Variants in BPI observed in about 807,000 individuals in gnomAD.
The protein encoded by BPI is bactericidal permeability-increasing protein.
BPI carries 48 observed loss-of-function variants against 57.6 expected under a neutral mutation model. The observed-to-expected ratio is 0.83, with a 90% CI of 0.66 to 1.06. BPI has a LOEUF of 1.06. Among genes scored for constraint, BPI ranks in the 50% least tolerant of loss-of-function variants. BPI has a pLI of 0.00. For missense variants in BPI, 651 were observed against 609.7 expected, an observed-to-expected ratio of 1.07 and a Z score of -0.71; for synonymous variants, 237 against 238.2, an observed-to-expected ratio of 0.99 and a Z score of 0.05.
At chr20:38,312,462 A>T (rs1447751101) in intron 5 of BPI, among the ~76,000 whole-genome samples, 1 of 152,228 alleles carries the variant, frequency 6.6e-6, no homozygotes, top group African/African-American at 2.4e-5. Flanking sequence ...CGCAACCCAC[A>T]TACTTCAGTT....
At chr20:38,327,407 G>C (rs1304763233) in intron 10 of BPI, among the ~76,000 whole-genome samples, 181 bp from the exon 11 acceptor site, 1 of 152,148 alleles carries the variant, frequency 6.6e-6, no homozygotes, top group Admixed American at 6.5e-5. Flanking sequence ...GAAATTGACA[G>C]TTTAGGACTC....
At chr20:38,336,903 C>CG (rs890571036) in intron 14 of BPI, among the ~76,000 whole-genome samples, 1 of 152,086 alleles carries the variant, frequency 6.6e-6, no homozygotes, top group Non-Finnish European at 1.5e-5. Context: ...TAAAACAGCC[C>CG]GGGGGGTCTC....
At chr20:38,323,179 C>T (rs1334664727) in intron 7 of BPI, among the ~76,000 whole-genome samples, 4 of 152,160 alleles carry the variant, frequency 2.6e-5, no homozygotes, top group African/African-American at 7.2e-5. Context: ...GTCCTTTTTG[C>T]CTGTGTTTTT....
At chr20:38,326,167 C>A in intron 9 of BPI, 98 bp from the exon 10 acceptor site, 1 of 1,241,926 alleles carries the variant, frequency 8.1e-7, no homozygotes, top group Non-Finnish European at 1.1e-6. Context: ...AATGGGAAGA[C>A]ATTGAAGGTA....
chr20:38,313,824 T>A (rs1397632892), intron 5 of BPI, among the ~76,000 whole-genome samples: 1 of 149,712 alleles, frequency 6.7e-6, no homozygotes, highest in East Asian at 2.0e-4. Flanking sequence ...ATGGTGAGGA[T>A]GATAATGGTG....
Position 38,327,585 on chromosome 20 carries a change from C to T in BPI, c.1162-3C>T. On this transcript the variant is annotated splice_polypyrimidine_tract_variant and splice_region_variant and intron_variant, in intron 10 of 14. Transcript: ENST00000642449. Reference sequence around the variant, plus strand: ...ACTTCACCCTGGGTTGTTGTTTTGGCAGCACACAACTGGTTCCATGGAGGT... The same window carrying T: ...ACTTCACCCTGGGTTGTTGTTTTGGTAGCACACAACTGGTTCCATGGAGGT... The T allele has an allele frequency of 6.2e-7, 1 of 1,612,730 alleles. No homozygotes were observed. Among genetic ancestry groups the T allele is most frequent in the South Asian group, 1.1e-5 (1 of 91,036 alleles).
At chr20:38,325,086 G>T (rs1273874582) in intron 9 of BPI, among the ~76,000 whole-genome samples, 1 of 152,220 alleles carries the variant, frequency 6.6e-6, no homozygotes, top group Non-Finnish European at 1.5e-5. Context: ...CTTATTGAAT[G>T]CCCACCATGT....
intron 7 of BPI, chr20:38,321,730 A>G (rs560989362): frequency 2.0e-4 from 30 of 151,966 alleles, no homozygotes; most frequent in African/African-American, 2.7e-4. Flanking sequence ...AAGGAAAAAA[A>G]AGAGAGAGAG....
In BPI at chr20:38,337,312, A is replaced by C. The variant is rs1473389696; in HGVS notation, c.*128A>C. ...AGCCCCTTGCAAACTTCTTCGACTC[A>C]GATTCAGAAATGATCTAAACACGAG... On this transcript the variant is annotated 3_prime_UTR_variant, in exon 15 of 15. Coordinates refer to ENST00000642449, the MANE Select transcript of BPI (RefSeq NM_001725.3). The C allele has an allele frequency of 1.3e-6, 1 of 743,294 alleles. No individual in the cohort carries two copies. Among genetic ancestry groups the C allele is most frequent in the East Asian group, 2.9e-5 (1 of 34,870 alleles). 46.0% of individuals were successfully genotyped at this position (743,294 alleles called of 1,614,324 possible).
At chr20:38,307,478 C>T (rs2076602279) in intron 1 of BPI, 89 bp from the exon 2 acceptor site, 3 of 917,548 alleles carry the variant, frequency 3.3e-6, no homozygotes, top group Non-Finnish European at 4.9e-6. Context: ...ATGCTACGAA[C>T]AGGGGCCCAG....
intron 12 of BPI, among the ~76,000 whole-genome samples, chr20:38,332,064 C>T (rs767457042): frequency 1.4e-4 from 21 of 151,994 alleles, no homozygotes; most frequent in Non-Finnish European, 2.8e-4. Flanking sequence ...AAGCTTGGTG[C>T]GTTTGGGGAA....
intron 5 of BPI, among the ~76,000 whole-genome samples, chr20:38,313,577 A>G (rs1157860570): frequency 6.6e-6 from 1 of 152,218 alleles, no homozygotes; most frequent in Non-Finnish European, 1.5e-5. Flanking sequence ...AACATTTGGA[A>G]CAATTACAAT....
intron 5 of BPI, among the ~76,000 whole-genome samples, chr20:38,313,124 C>T (rs2122505309): frequency 6.6e-6 from 1 of 152,140 alleles, no homozygotes; most frequent in East Asian, 1.9e-4. Flanking sequence ...GTGGCTCATG[C>T]CTGTAATCCC....
At chr20:38,335,077 A>G (rs2076760745) in intron 13 of BPI, among the ~76,000 whole-genome samples, 1 of 152,196 alleles carries the variant, frequency 6.6e-6, no homozygotes, top group South Asian at 2.1e-4. Context: ...AATATGATAC[A>G]TCAGTCCTGG....
At chr20:38,331,975 G>T (rs906924372) in intron 12 of BPI, among the ~76,000 whole-genome samples, 5 of 152,188 alleles carry the variant, frequency 3.3e-5, no homozygotes, top group Admixed American at 2.6e-4. Flanking sequence ...GGGCCTCTCC[G>T]AGGAGGTGAC....
chr20:38,321,610 A>G (rs572278494), intron 7 of BPI: 16 of 152,110 alleles, frequency 1.1e-4, no homozygotes, highest in African/African-American at 2.9e-4. Context: ...GTCCTTCCAT[A>G]TTGGTGATTT....
At position 38,326,380 on chromosome 20, in the gene BPI, C is replaced by T. The variant is rs752886546; in HGVS notation, c.1109C>T (p.Ala370Val). ...LTFYPAVDVQ[A>V]FAVLPNSSLA... The stretch of plus-strand genomic sequence containing the variant: ...TTCTACCCTGCCGTGGATGTCCAGG[C>T]CTTTGCCGTCCTCCCCAACTCCTCC... Residue 370 changes from alanine (A) to valine (V), a missense_variant, in exon 10 of 15, where the codon GCC (alanine) becomes GTC (valine). Coordinates refer to ENST00000642449, the MANE Select transcript of BPI (RefSeq NM_001725.3). 2 of 1,614,154 alleles carry T rather than the reference C, an allele frequency of 1.2e-6. No individual in the cohort carries two copies. Among genetic ancestry groups the T allele is most frequent in the Non-Finnish European group, 1.7e-6 (2 of 1,180,008 alleles).
intron 7 of BPI, among the ~76,000 whole-genome samples, chr20:38,322,421 T>C (rs2076691204): frequency 1.3e-5 from 2 of 152,176 alleles, no homozygotes; most frequent in Non-Finnish European, 1.5e-5. Flanking sequence ...CTGCCCAGAG[T>C]TGATCACTGA....
At chr20:38,326,456 G>A (rs1392835783) in intron 10 of BPI, 24 bp downstream of exon 10, 7 of 1,603,004 alleles carry the variant, frequency 4.4e-6, no homozygotes, top group South Asian at 1.1e-5. Flanking sequence ...GGGTTGGACA[G>A]ATGAGGAGCC....
Sources: allele counts gnomAD v4.1 joint callset (sites outside exome capture counted in the v4.1 genomes callset), GRCh38; gene constraint gnomAD v4.1.1; transcripts MANE v1.5; gene names NCBI Gene and HGNC (gene_info 2026-07-23, HGNC 2026-07-21).